The following MACC1 variants were observed in gnomAD, a reference collection of about 807,000 sequenced individuals.
The protein encoded by MACC1 is MET transcriptional regulator MACC1, also known as metastasis-associated in colon cancer protein 1.
Under a neutral mutation model 70.7 loss-of-function variants are expected in MACC1, and 79 were observed. That is an observed-to-expected ratio of 1.12 (90% confidence interval 0.93 to 1.35). The LOEUF (loss-of-function observed/expected upper bound fraction) is 1.35. Ranked by LOEUF, MACC1 falls within the 40% of genes most tolerant of loss-of-function variation. The probability of loss-of-function intolerance (pLI) is 0.00; values close to 1 mark genes in which losing one functional copy is unlikely to be tolerated. For missense variants in MACC1, 1,106 were observed against 978.1 expected, an observed-to-expected ratio of 1.13 and a Z score of -1.74; for synonymous variants, 361 against 347.2, an observed-to-expected ratio of 1.04 and a Z score of -0.44.
intron 1 of MACC1, among the ~76,000 whole-genome samples, chr7:20,172,358 A>G (rs961103030): frequency 1.3e-5 from 2 of 152,222 alleles, no homozygotes; most frequent in African/African-American, 4.8e-5. Context: ...ATGTTAGTAT[A>G]TAAGTACGTA....
chr7:20,193,898 A>C (rs937824719), intron 1 of MACC1, among the ~76,000 whole-genome samples: 5 of 148,984 alleles, frequency 3.4e-5, no homozygotes, highest in African/African-American at 9.9e-5. Flanking sequence ...CCCCGCCCCC[A>C]CACACACCTT....
At chr7:20,193,906 C>A (rs1161231031) in intron 1 of MACC1, among the ~76,000 whole-genome samples, 2 of 152,040 alleles carry the variant, frequency 1.3e-5, no homozygotes, top group Non-Finnish European at 1.5e-5. Flanking sequence ...CCACACACAC[C>A]TTTAAGAAGC....
intron 5 of MACC1, among the ~76,000 whole-genome samples, chr7:20,157,766 C>CAAAAAAAA (rs370288319): frequency 1.1e-3 from 59 of 53,302 alleles, no homozygotes; most frequent in South Asian, 2.1e-3. Flanking sequence ...GACTTTGTCT[C>CAAAAAAAA]AAAAAAAAAA....
At position 20,161,751 on chromosome 7, in the gene MACC1, TA is replaced by T; in HGVS notation, c.111del (p.Thr38GlnfsTer44). 6.3e-7 allele frequency: 1 copy of T among 1,596,964 alleles called. No homozygotes were observed. The highest frequency in any genetic ancestry group is 8.6e-7 in the Non-Finnish European group (1 of 1,165,004). ...EAGKLSKSCN[I>X]TECQDPDLLH... is the part of the protein sequence containing the mutation. ...CAACAGTTATAAATTCCCATACCTG[TA>T]ATATTGCAACTTTTTGAGAGTTTTC... On this transcript the variant is annotated frameshift_variant, in exon 4 of 7. Transcript: ENST00000400331. LOFTEE classifies it high-confidence loss of function.
intron 1 of MACC1, among the ~76,000 whole-genome samples, chr7:20,204,327 T>C (rs1782878685): frequency 6.6e-6 from 1 of 152,114 alleles, no homozygotes; most frequent in Non-Finnish European, 1.5e-5. Flanking sequence ...GCTAATTTTT[T>C]GTATTTTTAG....
intron 1 of MACC1, among the ~76,000 whole-genome samples, chr7:20,175,819 G>A (rs2128105180): frequency 6.6e-6 from 1 of 152,194 alleles, no homozygotes; most frequent in Non-Finnish European, 1.5e-5. Context: ...TATGTTTGCT[G>A]ACGGTGAAGC....
chr7:20,183,186 G>A (rs544816701), intron 1 of MACC1, among the ~76,000 whole-genome samples: 20 of 152,278 alleles, frequency 1.3e-4, no homozygotes, highest in Middle Eastern at 3.4e-3. Context: ...TCTCTAGCTC[G>A]TTGCAGAAGA....
chr7:20,154,522 G>T (rs994737326), intron 5 of MACC1, 141 bp from the exon 6 acceptor site: 50 of 858,676 alleles, frequency 5.8e-5, no homozygotes, highest in Non-Finnish European at 1.0e-5. Flanking sequence ...TAAAGCTCAA[G>T]GAGTTGATTC....
At chr7:20,157,714 C>T (rs1782075094) in intron 5 of MACC1, among the ~76,000 whole-genome samples, 1 of 141,992 alleles carries the variant, frequency 7.0e-6, no homozygotes, top group South Asian at 2.2e-4. Context: ...CTGCAGTGAG[C>T]TGTGATCGTG....
intron 1 of MACC1, among the ~76,000 whole-genome samples, chr7:20,184,147 CT>C (rs1307259254): frequency 6.6e-6 from 1 of 152,158 alleles, no homozygotes; most frequent in East Asian, 1.9e-4. Flanking sequence ...ATTTCAATAG[CT>C]TTTGAAGCAC....
At position 20,135,893 on chromosome 7, in the gene MACC1, A is replaced by G. The variant is rs1239440034; in HGVS notation, c.*5053T>C. On this transcript the variant is annotated 3_prime_UTR_variant, in exon 7 of 7. Transcript: ENST00000400331. Reference sequence around the variant, plus strand: ...AATTTCAAAAGATTATGTAAAGAATAAATGAGGATATTTGTAAGGTGCTTA... The same window carrying G: ...AATTTCAAAAGATTATGTAAAGAATGAATGAGGATATTTGTAAGGTGCTTA... 6.6e-6 allele frequency: 1 copy of G among 152,236 alleles called. No individual in the cohort carries two copies. The highest frequency in any genetic ancestry group is 1.5e-5 in the Non-Finnish European group (1 of 68,038). 9.4% of individuals were successfully genotyped at this position (152,236 alleles called of 1,614,324 possible).
intron 3 of MACC1, among the ~76,000 whole-genome samples, chr7:20,162,783 C>G (rs1782157669): frequency 6.6e-6 from 1 of 152,036 alleles, no homozygotes; most frequent in Admixed American, 6.6e-5. Flanking sequence ...AAATAAATGC[C>G]AAGGGATTAA....
intron 1 of MACC1, among the ~76,000 whole-genome samples, chr7:20,207,419 T>C (rs537796026): frequency 1.1e-3 from 172 of 152,210 alleles, no homozygotes; most frequent in African/African-American, 3.9e-3. Flanking sequence ...CCCAAAGTGC[T>C]GGGATTACAG....
intron 1 of MACC1, among the ~76,000 whole-genome samples, chr7:20,189,122 C>T (rs954533090): frequency 1.3e-5 from 2 of 152,160 alleles, no homozygotes; most frequent in Non-Finnish European, 2.9e-5. Context: ...TCCTCATCAT[C>T]TTTAGGTATT....
At chr7:20,186,493 A>T (rs1333088219) in intron 1 of MACC1, among the ~76,000 whole-genome samples, 1 of 152,202 alleles carries the variant, frequency 6.6e-6, no homozygotes, top group Non-Finnish European at 1.5e-5. Flanking sequence ...TTGAAAAGGT[A>T]AAATAATCAA....
Position 20,140,876 on chromosome 7 carries a change from CACACACAG to C in MACC1, c.*62_*69del, listed in dbSNP as rs878927046. 523 of 1,140,622 alleles carry C rather than the reference CACACACAG, an allele frequency of 4.6e-4. 1 individual carries two copies. The highest frequency in any genetic ancestry group is 4.5e-3 in the South Asian group (316 of 70,214). 70.7% of individuals were successfully genotyped at this position (1,140,622 alleles called of 1,614,324 possible). On this transcript the variant is annotated 3_prime_UTR_variant, in exon 7 of 7. Coordinates refer to ENST00000400331, the MANE Select transcript of MACC1 (RefSeq NM_182762.4). Reference sequence around the variant, plus strand: ...ACAGACACACAGAGACACACACAGACACACACAGACACACACACACACACACCATTACC... The same window carrying C: ...ACAGACACACAGAGACACACACAGACACACACACACACACACACCATTACC...
At position 20,163,826 on chromosome 7, in the gene MACC1, C is replaced by T. The variant is rs192345978; in HGVS notation, c.-9+430G>A. Among the ~76,000 whole-genome samples the T allele has an allele frequency of 2.0e-5, 3 of 152,268 alleles. No individual in the cohort carries two copies. In the East Asian group the frequency reaches 5.8e-4, roughly 29 times the overall value. On this transcript the variant is annotated intron_variant, in intron 3 of 6. Transcript: ENST00000400331. ...TTCATGTTATAACTACTATATGCAG[C>T]CCATAACTTAAGATGCCACATACCC... is the stretch of plus-strand genomic sequence containing the variant.
rs552013797 is a variant in MACC1 at position 20,203,244 on chromosome 7, T to C, written c.-218+14055A>G. Reference sequence around the variant, plus strand: ...CTGATCCTCCCCTCCCCACACCACATGGGTCTACAGCCTTTGGGGAAGAGG... The same window carrying C: ...CTGATCCTCCCCTCCCCACACCACACGGGTCTACAGCCTTTGGGGAAGAGG... On this transcript the variant is annotated intron_variant, in intron 1 of 6. Transcript: ENST00000400331. Among the ~76,000 whole-genome samples, 4 of 152,320 alleles carry C rather than the reference T, an allele frequency of 2.6e-5. No homozygotes were observed. In the East Asian group the frequency reaches 7.7e-4, roughly 29 times the overall value.
At chr7:20,214,020 C>G (rs1463583417) in intron 1 of MACC1, among the ~76,000 whole-genome samples, 2 of 151,946 alleles carry the variant, frequency 1.3e-5, no homozygotes, top group Non-Finnish European at 2.9e-5. Context: ...GCTTCTTTTC[C>G]ATTTTAATTC....
Sources: gnomAD v4.1 joint callset for allele counts (sites outside exome capture counted in the v4.1 genomes callset) on GRCh38, gnomAD v4.1.1 for gene constraint, MANE v1.5 for transcripts, NCBI Gene and HGNC (gene_info 2026-07-23, HGNC 2026-07-21) for gene names.